The following PROSER1 variants were observed in gnomAD, a reference collection of about 807,000 sequenced individuals.
PROSER1 encodes the protein proline and serine-rich protein 1.
In PROSER1, 36 loss-of-function variants were observed where a neutral mutation model predicts 71.8. The ratio of observed to expected loss-of-function variants is 0.50; its 90% CI spans 0.38 to 0.66. The LOEUF is 0.66. Among genes scored for constraint, PROSER1 ranks in the 30% least tolerant of loss-of-function variants. The pLI is 0.00. For missense variants in PROSER1, 1,107 were observed against 1,135.0 expected (o/e 0.98, Z 0.35); for synonymous variants, 490 against 452.4 (o/e 1.08, Z -1.06).
intron 2 of PROSER1, among the ~76,000 whole-genome samples, chr13:39,032,879 T>C (rs1870915595): frequency 6.6e-6 from 1 of 152,056 alleles, no homozygotes; most frequent in Admixed American, 6.6e-5. Context: ...AGAAAAAAAA[T>C]GCTATTAGCT....
Position 39,013,335 on chromosome 13 carries a change from C to G in PROSER1, c.1917G>C (p.Leu639Phe). The change falls in exon 11 of 13, where the codon TTG (leucine) becomes TTC (phenylalanine). Residue 639 changes from leucine to phenylalanine, a missense_variant. Coordinates refer to ENST00000352251, the MANE Select transcript of PROSER1 (RefSeq NM_025138.5). ...CGGATGTTGAAGTATATGCACGGCC[C>G]AATGTCCCTGACAAACCTAAAGTGC... ...SHGTLGLSGT[L>F]GRAYTSTSVP... 1 of 1,614,150 alleles carries G rather than the reference C, an allele frequency of 6.2e-7. No homozygotes were observed. Among genetic ancestry groups the G allele is most frequent in the Non-Finnish European group, 8.5e-7 (1 of 1,180,048 alleles).
rs1491140456 is a variant in PROSER1 at position 39,029,269 on chromosome 13, A to AG, written c.275+11dup. Reference sequence around the variant, plus strand: ...AAGTAAAAAAAAAAAAAAAAAAAAAAGAAATACTTACGAGGCTAACAGTTC... The same window carrying AG: ...AAGTAAAAAAAAAAAAAAAAAAAAAAGGAAATACTTACGAGGCTAACAGTTC... On this transcript the variant is annotated intron_variant, in intron 4 of 12. Transcript: ENST00000352251. 1.5e-6 allele frequency: 2 copies of AG among 1,299,910 alleles called. No individual in the cohort carries two copies. Among genetic ancestry groups the AG allele is most frequent in the Admixed American group, 2.8e-5 (1 of 35,968 alleles). The allele number at this position is 1,299,910 out of a possible 1,614,324, so 80.5% of individuals were successfully genotyped here.
chr13:39,028,735 ATG>A (rs1368546077), intron 4 of PROSER1, among the ~76,000 whole-genome samples: 1 of 152,180 alleles, frequency 6.6e-6, no homozygotes, highest in Non-Finnish European at 1.5e-5. Flanking sequence ...TTAAAAATGT[ATG>A]TGTTACAAAT....
chr13:39,023,345 T>C (rs1370263499), intron 7 of PROSER1: 2 of 478,344 alleles, frequency 4.2e-6, no homozygotes, highest in South Asian at 3.3e-5. Flanking sequence ...AAGATGGCCA[T>C]AGAGGTGGCC....
At chr13:39,028,725 T>C (rs925181224) in intron 4 of PROSER1, among the ~76,000 whole-genome samples, 1 of 152,168 alleles carries the variant, frequency 6.6e-6, no homozygotes, top group African/African-American at 2.4e-5. Context: ...CAAAAAGGAC[T>C]TAAAAATGTA....
chr13:39,013,092 A>G lies in PROSER1; in HGVS notation c.2160T>C (p.Ser720=). ...TGNPSLNPSV[S]LPGSLIATSS... The stretch of plus-strand genomic sequence containing the variant: ...AGGTGGCTATTAATGACCCTGGGAG[A>G]GATACTGACGGATTAAGAGATGGGT... The change falls in exon 11 of 13, where the codon TCT becomes TCC. Residue 720 remains serine (S), a synonymous_variant. Coordinates refer to ENST00000352251, the MANE Select transcript of PROSER1 (RefSeq NM_025138.5). 6 of 1,614,060 alleles carry G rather than the reference A, an allele frequency of 3.7e-6. No individual in the cohort carries two copies. Among genetic ancestry groups the G allele is most frequent in the Non-Finnish European group, 5.1e-6 (6 of 1,180,026 alleles).
chr13:39,025,765 C>A (rs1243467568), intron 6 of PROSER1, among the ~76,000 whole-genome samples: 1 of 152,146 alleles, frequency 6.6e-6, no homozygotes, highest in Non-Finnish European at 1.5e-5. Context: ...AGGTAATAAA[C>A]ATTTATTGCT....
chr13:39,016,149 TGAAAC>T (rs1319461162), intron 10 of PROSER1, among the ~76,000 whole-genome samples: 4 of 152,096 alleles, frequency 2.6e-5, no homozygotes, highest in Non-Finnish European at 4.4e-5. Context: ...CAGGTAAAAA[TGAAAC>T]GAACAAAAAT....
chr13:39,014,950 C>T (rs1310318351), intron 10 of PROSER1, among the ~76,000 whole-genome samples: 1 of 152,144 alleles, frequency 6.6e-6, no homozygotes, highest in East Asian at 1.9e-4. Context: ...TTTGTTGCCA[C>T]TCTGTGAGTT....
intron 9 of PROSER1, 39 bp downstream of exon 9, chr13:39,022,287 A>G: frequency 7.7e-7 from 1 of 1,298,108 alleles, no homozygotes; most frequent in South Asian, 1.2e-5. Context: ...ACATTTGTAT[A>G]TGAATAAGTT....
rs145732544 is a variant in PROSER1, at chr13:39,010,458, A to C, written c.*907T>G. ...TACCACAGATCCTTAAATAGAGTAC[A>C]TACTGCATAATTACTAACAGAGCCA... On this transcript the variant is annotated 3_prime_UTR_variant, in exon 13 of 13. Coordinates refer to ENST00000352251, the MANE Select transcript of PROSER1 (RefSeq NM_025138.5). 1.8e-4 allele frequency: 27 copies of C among 152,760 alleles called. No homozygotes were observed. In the East Asian group the frequency reaches 4.8e-3, roughly 27 times the overall value. 9.5% of individuals were successfully genotyped at this position (152,760 alleles called of 1,614,324 possible).
chr13:39,024,933 AC>A (rs1870474746), intron 6 of PROSER1, among the ~76,000 whole-genome samples: 1 of 152,178 alleles, frequency 6.6e-6, no homozygotes, highest in Admixed American at 6.5e-5. Flanking sequence ...GAACATATCC[AC>A]CCATATACTT....
At chr13:39,024,412 G>C in intron 7 of PROSER1, 61 bp downstream of exon 7, 5 of 1,245,266 alleles carry the variant, frequency 4.0e-6, no homozygotes, top group Non-Finnish European at 4.6e-6. Context: ...TATGCTTTGA[G>C]TAAAAAGGAA....
intron 10 of PROSER1, 29 bp from the exon 11 acceptor site, chr13:39,014,505 A>G (rs1555238562): frequency 1.3e-6 from 2 of 1,497,944 alleles, no homozygotes; most frequent in East Asian, 4.6e-5. Context: ...AAAGGCAAGA[A>G]TGTATCATCA....
chr13:39,012,937 G>A lies in PROSER1; in HGVS notation c.2315C>T (p.Ser772Leu). Residue 772 changes from serine to leucine, a missense_variant, in exon 11 of 13, where the codon TCA (serine) becomes TTA (leucine). Physicochemically the swap from Ser to Leu is moderately radical, Grantham distance 145. Transcript: ENST00000352251. Reference protein sequence around the residue: ...FPLNLSTAVPSLFSVTQGPLS... With the variant: ...FPLNLSTAVPLLFSVTQGPLS... ...AGGTCCTTGAGTAACAGAGAAAAGT[G>A]AGGGAACAGCAGTGGACAGGTTGAG... The A allele has an allele frequency of 6.2e-7, 1 of 1,614,206 alleles. No homozygotes were observed. The highest frequency in any genetic ancestry group is 1.1e-5 in the South Asian group (1 of 91,086).
chr13:39,028,371 C>A, intron 4 of PROSER1, 51 bp from the exon 5 acceptor site: 1 of 1,052,120 alleles, frequency 9.5e-7, no homozygotes, highest in South Asian at 1.3e-5. Context: ...GAACATACAT[C>A]GAGGTAAGCA....
intron 12 of PROSER1, among the ~76,000 whole-genome samples, chr13:39,011,789 T>C (rs1266303574): frequency 1.3e-5 from 2 of 152,218 alleles, no homozygotes; most frequent in South Asian, 4.1e-4. Flanking sequence ...GAAGACAAGT[T>C]AACATTTAAC....
chr13:39,011,593 C>T, intron 12 of PROSER1, 106 bp from the exon 13 acceptor site: 1 of 1,139,900 alleles, frequency 8.8e-7, no homozygotes, highest in East Asian at 2.6e-5. Flanking sequence ...GAAAGAAAGA[C>T]AAGACAAAAC....
chr13:39,022,811 A>G (rs1870357275), intron 8 of PROSER1: 1 of 434,686 alleles, frequency 2.3e-6, no homozygotes, highest in African/African-American at 2.0e-5. Context: ...GTGAAAACCC[A>G]TAAATAATGA....
Sources: allele counts gnomAD v4.1 joint callset (sites outside exome capture counted in the v4.1 genomes callset), GRCh38; gene constraint gnomAD v4.1.1; transcripts MANE v1.5; gene names NCBI Gene and HGNC (gene_info 2026-07-23, HGNC 2026-07-21).